Variants in PDE10A observed in about 807,000 individuals in gnomAD.
PDE10A encodes phosphodiesterase 10A.
In PDE10A, 39 loss-of-function variants were observed where a neutral mutation model predicts 97.7. The observed-to-expected ratio is 0.40, with a 90% CI of 0.31 to 0.52. The LOEUF (loss-of-function observed/expected upper bound fraction) is 0.52. Among genes scored for constraint, PDE10A ranks in the 20% least tolerant of loss-of-function variants. PDE10A has a pLI of 0.56. For missense variants in PDE10A, 731 were observed against 1,047.8 expected (o/e 0.70, Z 4.17); for synonymous variants, 371 against 376.8 (o/e 0.98, Z 0.18).
intron 1 of PDE10A, among the ~76,000 whole-genome samples, chr6:165,634,424 T>C (rs904993008): frequency 2.0e-5 from 3 of 152,164 alleles, no homozygotes; most frequent in African/African-American, 2.4e-5. Flanking sequence ...GTTCCCCTTA[T>C]GTAAAACAAA....
intron 13 of PDE10A, among the ~76,000 whole-genome samples, chr6:165,405,540 C>T (rs1008703172): frequency 3.3e-5 from 5 of 152,282 alleles, no homozygotes; most frequent in Non-Finnish European, 2.9e-5. Flanking sequence ...ATATGGACTA[C>T]GCACTGTTCT....
chr6:165,618,309 A>C (rs1356465295), intron 1 of PDE10A, among the ~76,000 whole-genome samples: 1 of 152,168 alleles, frequency 6.6e-6, no homozygotes, highest in Non-Finnish European at 1.5e-5. Context: ...GTAATAAAGA[A>C]ATGGGGAAAA....
intron 5 of PDE10A, among the ~76,000 whole-genome samples, chr6:165,447,488 G>A (rs1039989173): frequency 6.6e-6 from 1 of 152,242 alleles, no homozygotes; most frequent in African/African-American, 2.4e-5. Flanking sequence ...GCTGCTGGAG[G>A]CGGCTCAGAA....
At chr6:165,408,325 AC>A (rs2128224373) in intron 13 of PDE10A, among the ~76,000 whole-genome samples, 1 of 152,274 alleles carries the variant, frequency 6.6e-6, no homozygotes, top group African/African-American at 2.4e-5. Flanking sequence ...AAGGTAGGGA[AC>A]CCGCAGATGT....
At position 165,392,773 on chromosome 6, in the gene PDE10A, C is replaced by T. The variant is rs1583184171; in HGVS notation, c.2327G>A (p.Arg776His). Residue 776 changes from arginine to histidine, a missense_variant, in exon 16 of 22, where the codon CGT becomes CAT. Transcript: ENST00000539869. ...GTTCTTCTTCACAGACATAATAAAA[C>T]GACACAACTTTTCAAGCTCAAAGCT... ...TSCFELEKLC[R>H]FIMSVKKNYR... 3.7e-6 allele frequency: 6 copies of T among 1,613,938 alleles called. No individual in the cohort carries two copies. The highest frequency in any genetic ancestry group is 5.1e-6 in the Non-Finnish European group (6 of 1,179,900).
intron 3 of PDE10A, among the ~76,000 whole-genome samples, chr6:165,463,495 A>G (rs895136114): frequency 6.6e-6 from 1 of 152,254 alleles, no homozygotes; most frequent in Non-Finnish European, 1.5e-5. Context: ...ACCCATTAAT[A>G]TGGATAAAAA....
chr6:165,431,015 A>G (rs897241707), intron 8 of PDE10A, among the ~76,000 whole-genome samples: 1 of 152,182 alleles, frequency 6.6e-6, no homozygotes, highest in Admixed American at 6.5e-5. Context: ...AAAGAACCAG[A>G]TATCTTAAAG....
At chr6:165,823,504 A>ATT (rs1779635167) in intron 1 of PDE10A, among the ~76,000 whole-genome samples, 1 of 128,444 alleles carries the variant, frequency 7.8e-6, no homozygotes, top group Non-Finnish European at 1.7e-5. Flanking sequence ...ATATATATAT[A>ATT]TATATATATA....
chr6:165,335,700 C>T (rs1781602033), intron 21 of PDE10A, among the ~76,000 whole-genome samples: 2 of 152,130 alleles, frequency 1.3e-5, no homozygotes, highest in Admixed American at 6.5e-5. Flanking sequence ...GCAAGAACCA[C>T]ACACATGCCC....
chr6:165,839,940 T>TCCAAC (rs1481574624), intron 1 of PDE10A, among the ~76,000 whole-genome samples: 2 of 43,410 alleles, frequency 4.6e-5, no homozygotes, highest in South Asian at 7.5e-4. Context: ...CATTCTTATC[T>TCCAAC]TCATTTCCAT....
chr6:165,533,921 A>C (rs1289014386), intron 2 of PDE10A, among the ~76,000 whole-genome samples: 2 of 152,198 alleles, frequency 1.3e-5, no homozygotes, highest in Non-Finnish European at 2.9e-5. Context: ...TAAAATTATC[A>C]AAATCCAAAT....
intron 5 of PDE10A, among the ~76,000 whole-genome samples, chr6:165,438,408 G>A (rs573712819): frequency 1.0e-3 from 153 of 152,132 alleles, no homozygotes; most frequent in African/African-American, 3.5e-3. Flanking sequence ...GGCTGGTCTC[G>A]GACTCCCGAC....
chr6:165,528,834 AC>A (rs1428277282), intron 2 of PDE10A, among the ~76,000 whole-genome samples: 6 of 152,164 alleles, frequency 3.9e-5, no homozygotes, highest in African/African-American at 1.4e-4. Context: ...CACAATTACA[AC>A]ACCAACTAGG....
At chr6:165,789,210 T>G (rs75521789) in intron 1 of PDE10A, among the ~76,000 whole-genome samples, 1,845 of 152,312 alleles carry the variant, frequency 0.012, 26 homozygotes, top group South Asian at 0.06. Flanking sequence ...GTTAATAATT[T>G]TTTTACATTT....
chr6:165,623,868 A>G (rs547293280), intron 1 of PDE10A, among the ~76,000 whole-genome samples: 30 of 152,304 alleles, frequency 2.0e-4, no homozygotes, highest in Admixed American at 1.4e-3. Flanking sequence ...GTCTGTTCCA[A>G]TAACTCTGAA....
At chr6:165,489,435 A>C (rs777260081) in intron 2 of PDE10A, among the ~76,000 whole-genome samples, 1 of 152,228 alleles carries the variant, frequency 6.6e-6, no homozygotes, top group Non-Finnish European at 1.5e-5. Flanking sequence ...ATGGGATAAA[A>C]GAATCTGAAC....
intron 2 of PDE10A, among the ~76,000 whole-genome samples, chr6:165,518,452 C>A (rs1490733518): frequency 2.0e-5 from 3 of 152,122 alleles, no homozygotes; most frequent in African/African-American, 7.2e-5. Flanking sequence ...TGAATTTTCC[C>A]TTTGTCCAGA....
intron 1 of PDE10A, among the ~76,000 whole-genome samples, chr6:165,983,968 T>G (rs1190590213): frequency 2.0e-5 from 3 of 152,194 alleles, no homozygotes; most frequent in Non-Finnish European, 4.4e-5. Flanking sequence ...CCACCAGAAA[T>G]GCACAGATGT....
intron 1 of PDE10A, among the ~76,000 whole-genome samples, chr6:165,732,367 T>C (rs1409315103): frequency 2.6e-5 from 4 of 152,132 alleles, no homozygotes; most frequent in Admixed American, 2.6e-4. Context: ...GGGCAGACCC[T>C]GGGGGCAGGT....
Sources: allele counts gnomAD v4.1 joint callset (sites outside exome capture counted in the v4.1 genomes callset), GRCh38; gene constraint gnomAD v4.1.1; transcripts MANE v1.5; gene names NCBI Gene and HGNC (gene_info 2026-07-23, HGNC 2026-07-21).